The following SLC13A4 variants were observed in gnomAD, a reference collection of about 807,000 sequenced individuals.
SLC13A4 encodes Na(+)/sulfate cotransporter SUT-1.
SLC13A4 carries 28 observed loss-of-function variants against 72.7 expected under a neutral mutation model. The observed-to-expected ratio is 0.39, with a 90% CI of 0.29 to 0.53. The LOEUF is 0.53. SLC13A4 is among the 20% of genes least tolerant of loss of function. The probability of loss-of-function intolerance (pLI) is 0.78; values close to 1 mark genes in which losing one functional copy is unlikely to be tolerated. For missense variants in SLC13A4, 653 were observed against 788.0 expected, an observed-to-expected ratio of 0.83 and a Z score of 2.05; for synonymous variants, 312 against 325.5, an observed-to-expected ratio of 0.96 and a Z score of 0.45.
chr7:135,699,606 A>G lies in SLC13A4; in HGVS notation c.715-58T>C, dbSNP rs553905037. On this transcript the variant is annotated intron_variant, in intron 7 of 15. Transcript: ENST00000682651. ...CCAGCTTGGGCTGTCTGGCCGAAGC[A>G]TGAGAGGCAGGAGGCACCATGGTAC... is the stretch of plus-strand genomic sequence containing the variant. 3.8e-4 allele frequency: 561 copies of G among 1,485,748 alleles called. No homozygotes were observed. The African/African-American group carries it at 6.3e-3, about 17-fold the overall frequency. The allele number at this position is 1,485,748 out of a possible 1,614,324, so 92.0% of individuals were successfully genotyped here. A position where few individuals can be genotyped will look rare whatever the true frequency, so the allele number is the denominator to read the frequency against.
intron 10 of SLC13A4, 116 bp downstream of exon 10, chr7:135,694,021 A>G: frequency 1.4e-6 from 1 of 702,766 alleles, no homozygotes; most frequent in Non-Finnish European, 2.5e-6. Context: ...CCTGATTCAG[A>G]GTTGTGGAAA....
chr7:135,692,385 C>A lies in SLC13A4; in HGVS notation c.1161G>T (p.Met387Ile). 6.2e-7 allele frequency: 1 copy of A among 1,613,756 alleles called. No homozygotes were observed. The highest frequency in any genetic ancestry group is 8.5e-7 in the Non-Finnish European group (1 of 1,179,942). Reference protein sequence around the residue: ...EMVTGFFFILMTVLWFTREPG... With the variant: ...EMVTGFFFILITVLWFTREPG... Reference sequence around the variant, plus strand: ...GCTCCCGGGTAAACCACAGTACGGTCATCAGGATGAAGAAAAATCCAGTCA... The same window carrying A: ...GCTCCCGGGTAAACCACAGTACGGTAATCAGGATGAAGAAAAATCCAGTCA... The change falls in exon 11 of 16, where the codon ATG becomes ATT. Residue 387 changes from methionine to isoleucine, a missense_variant. Coordinates refer to ENST00000682651, the MANE Select transcript of SLC13A4 (RefSeq NM_001318192.2).
intron 2 of SLC13A4, among the ~76,000 whole-genome samples, chr7:135,715,991 G>T (rs1459084773): frequency 6.6e-6 from 1 of 152,196 alleles, no homozygotes; most frequent in Admixed American, 6.5e-5. Flanking sequence ...ATCTGGCATG[G>T]TCATTTGGCT....
chr7:135,695,603 G>T, intron 8 of SLC13A4, 116 bp from the exon 9 acceptor site: 2 of 1,188,380 alleles, frequency 1.7e-6, no homozygotes, highest in Non-Finnish European at 2.4e-6. Flanking sequence ...GGGAGATAAT[G>T]ATAACGATAT....
chr7:135,693,817 C>T (rs1159516476), intron 10 of SLC13A4, among the ~76,000 whole-genome samples: 1 of 152,212 alleles, frequency 6.6e-6, no homozygotes, highest in African/African-American at 2.4e-5. Context: ...GGTGGCCTGG[C>T]TTTGGAAGGA....
chr7:135,721,302 G>T, intron 2 of SLC13A4, 93 bp downstream of exon 2: 1 of 1,482,688 alleles, frequency 6.7e-7, no homozygotes, highest in Non-Finnish European at 9.3e-7. Flanking sequence ...CCCCCTCATC[G>T]TCAAGTGCTG....
At chr7:135,718,891 A>T (rs914935960) in intron 2 of SLC13A4, among the ~76,000 whole-genome samples, 1 of 152,218 alleles carries the variant, frequency 6.6e-6, no homozygotes, top group African/African-American at 2.4e-5. Context: ...TGCAAAGTTA[A>T]CTGGCTTACA....
intron 5 of SLC13A4, chr7:135,703,172 A>G (rs971015359): frequency 2.2e-6 from 1 of 445,836 alleles, no homozygotes. Flanking sequence ...TACAGAGTGC[A>G]CATATATGGG....
At position 135,719,813 on chromosome 7, in the gene SLC13A4, G is replaced by GTA. The variant is rs59771869; in HGVS notation, c.228+1581_228+1582insTA. 3.3e-3 allele frequency among the ~76,000 whole-genome samples: 484 copies of GTA among 146,538 alleles called. 3 individuals carry two copies. Among genetic ancestry groups the GTA allele is most frequent in the African/African-American group, 8.3e-3 (309 of 37,380 alleles). On this transcript the variant is annotated intron_variant, in intron 2 of 15. Coordinates refer to ENST00000682651, the MANE Select transcript of SLC13A4 (RefSeq NM_001318192.2). ...TGTGTGTGTGTGTGTATGTGTGTGT[G>GTA]TGTGTGTGTGTGTGTATAGCCACAC...
intron 12 of SLC13A4, 57 bp from the exon 13 acceptor site, chr7:135,691,382 A>G (rs1795782738): frequency 7.2e-7 from 1 of 1,385,194 alleles, no homozygotes; most frequent in African/African-American, 1.5e-5. Context: ...ATTTGTGGAG[A>G]CAGGAGCCTA....
intron 6 of SLC13A4, chr7:135,702,474 CA>C: frequency 4.6e-6 from 1 of 218,448 alleles, no homozygotes; most frequent in South Asian, 7.2e-5. Context: ...CTCCCAGGTT[CA>C]AGTGATTCTC....
intron 2 of SLC13A4, among the ~76,000 whole-genome samples, chr7:135,718,959 A>C (rs1796486642): frequency 6.6e-6 from 1 of 152,230 alleles, no homozygotes; most frequent in Non-Finnish European, 1.5e-5. Flanking sequence ...CTGAGCTAAG[A>C]AGGTCAGCTA....
At chr7:135,689,447 G>T (rs1269077662) in intron 13 of SLC13A4, among the ~76,000 whole-genome samples, 2 of 152,162 alleles carry the variant, frequency 1.3e-5, no homozygotes, top group East Asian at 3.8e-4. Flanking sequence ...AAAATGCAGG[G>T]TGCTGCTTGA....
intron 5 of SLC13A4, chr7:135,704,442 T>G (rs1354760409): frequency 1.3e-5 from 2 of 152,340 alleles, no homozygotes; most frequent in African/African-American, 2.4e-5. Context: ...CCATTTATCT[T>G]TCCTGTACCC....
chr7:135,697,352 T>C (rs1249186489), intron 8 of SLC13A4, among the ~76,000 whole-genome samples: 2 of 152,222 alleles, frequency 1.3e-5, no homozygotes, highest in Non-Finnish European at 2.9e-5. Flanking sequence ...CTTTCCCCTC[T>C]ATTCCTTCAC....
At chr7:135,713,731 T>G (rs1012728110) in intron 2 of SLC13A4, among the ~76,000 whole-genome samples, 1 of 152,102 alleles carries the variant, frequency 6.6e-6, no homozygotes, top group Non-Finnish European at 1.5e-5. Flanking sequence ...GCACCCACCA[T>G]TGTGTCCGGC....
intron 15 of SLC13A4, chr7:135,683,475 C>G (rs1795551428): frequency 1.0e-6 from 1 of 983,716 alleles, no homozygotes; most frequent in South Asian, 4.7e-5. Context: ...TGTTTTCCAT[C>G]CTCTCCCCCC....
chr7:135,716,973 T>C (rs1468895869), intron 2 of SLC13A4, among the ~76,000 whole-genome samples: 2 of 152,184 alleles, frequency 1.3e-5, no homozygotes, highest in Non-Finnish European at 2.9e-5. Context: ...ACTGCTGGCA[T>C]TTATCCTTAT....
At chr7:135,701,597 TA>T in intron 7 of SLC13A4, 82 bp downstream of exon 7, 1 of 1,380,242 alleles carries the variant, frequency 7.2e-7, no homozygotes, top group Non-Finnish European at 1.0e-6. Flanking sequence ...CTGATTCCCT[TA>T]CGACTTCAAG....
Sources: allele counts gnomAD v4.1 joint callset (sites outside exome capture counted in the v4.1 genomes callset), GRCh38; gene constraint gnomAD v4.1.1; transcripts MANE v1.5; gene names NCBI Gene and HGNC (gene_info 2026-07-23, HGNC 2026-07-21).